The following MBD5 variants were observed in gnomAD, a reference collection of about 807,000 sequenced individuals.
MBD5 encodes the protein methyl-CpG binding domain protein 5.
MBD5 carries 13 observed loss-of-function variants against 117.3 expected under a neutral mutation model. That is an observed-to-expected ratio of 0.11 (90% CI 0.07 to 0.18). The LOEUF is 0.18. Ranked by LOEUF, MBD5 falls within the 10% of genes least tolerant of loss-of-function variation. The pLI, the probability that MBD5 is intolerant of heterozygous loss-of-function variation, is 1.00. For missense variants in MBD5, 1,879 were observed against 2,093.8 expected, an observed-to-expected ratio of 0.90 and a Z score of 2.00; for synonymous variants, 727 against 766.4, an observed-to-expected ratio of 0.95 and a Z score of 0.85.
At chr2:148,472,658 C>T (rs527817372) in intron 8 of MBD5, among the ~76,000 whole-genome samples, 45 of 152,130 alleles carry the variant, frequency 3.0e-4, no homozygotes, top group Non-Finnish European at 5.6e-4. Context: ...ATCAAATAAC[C>T]GTTGAGCCTT....
chr2:148,159,155 A>AC (rs1339205128), intron 1 of MBD5, among the ~76,000 whole-genome samples: 1 of 152,192 alleles, frequency 6.6e-6, no homozygotes, highest in African/African-American at 2.4e-5. Flanking sequence ...ATCAAGACTC[A>AC]AACACTCTTA....
At chr2:148,407,469 G>C (rs952304381) in intron 4 of MBD5, among the ~76,000 whole-genome samples, 5 of 151,992 alleles carry the variant, frequency 3.3e-5, no homozygotes, top group Admixed American at 3.3e-4. Flanking sequence ...TTATATAGTA[G>C]TAAGATGTTT....
intron 4 of MBD5, among the ~76,000 whole-genome samples, chr2:148,430,416 T>C (rs1367927961): frequency 1.3e-5 from 2 of 152,190 alleles, no homozygotes; most frequent in Non-Finnish European, 2.9e-5. Context: ...ATTTCATATG[T>C]TGTTTTTTTA....
intron 2 of MBD5, among the ~76,000 whole-genome samples, chr2:148,213,796 A>C (rs1699486982): frequency 6.6e-6 from 1 of 151,822 alleles, no homozygotes; most frequent in Non-Finnish European, 1.5e-5. Flanking sequence ...TATAGACATC[A>C]AAGAATGTTT....
rs546486128 is a variant in MBD5 at position 148,451,312 on chromosome 2, C to G, written c.-556-6891C>G. On this transcript the variant is annotated intron_variant, in intron 4 of 13. Coordinates refer to ENST00000642680, the MANE Select transcript of MBD5 (RefSeq NM_001378120.1). ...ATAAGCAATGAAAATAATAACTAAA[C>G]CAAAAATGGGGCTAGTGTATTGCAC... 5.3e-5 allele frequency among the ~76,000 whole-genome samples: 8 copies of G among 151,960 alleles called. No homozygotes were observed. The East Asian group carries it at 1.4e-3, about 26-fold the overall frequency.
At chr2:148,400,728 G>T (rs529964141) in intron 4 of MBD5, among the ~76,000 whole-genome samples, 5 of 152,170 alleles carry the variant, frequency 3.3e-5, no homozygotes, top group African/African-American at 4.8e-5. Flanking sequence ...CTATATTTTT[G>T]AGTAGACTTA....
chr2:148,388,221 G>A (rs1704439957), intron 4 of MBD5, among the ~76,000 whole-genome samples: 1 of 152,186 alleles, frequency 6.6e-6, no homozygotes, highest in African/African-American at 2.4e-5. Context: ...AAATTTAGGA[G>A]AATGCAATTG....
intron 4 of MBD5, among the ~76,000 whole-genome samples, chr2:148,445,894 A>G (rs1706492516): frequency 6.6e-6 from 1 of 151,306 alleles, no homozygotes; most frequent in African/African-American, 2.5e-5. Flanking sequence ...GGTGATGATG[A>G]GCATTTTTTC....
chr2:148,074,495 G>GTTTT (rs1034437368), intron 1 of MBD5, among the ~76,000 whole-genome samples: 12 of 109,844 alleles, frequency 1.1e-4, no homozygotes, highest in Non-Finnish European at 1.9e-4. Context: ...TTTTTTTTTT[G>GTTTT]TTTTTTTTTT....
At chr2:148,181,637 C>A (rs766902421) in intron 2 of MBD5, among the ~76,000 whole-genome samples, 1 of 152,018 alleles carries the variant, frequency 6.6e-6, no homozygotes, top group Non-Finnish European at 1.5e-5. Flanking sequence ...CTTTTGATTT[C>A]CCTCTTCTGA....
chr2:148,344,826 C>T (rs1214098154), intron 4 of MBD5, among the ~76,000 whole-genome samples: 3 of 151,810 alleles, frequency 2.0e-5, no homozygotes, highest in Non-Finnish European at 4.4e-5. Flanking sequence ...ATGTAACCAC[C>T]TTCCTTTTAT....
At chr2:148,408,918 A>G (rs1004692617) in intron 4 of MBD5, among the ~76,000 whole-genome samples, 6 of 152,146 alleles carry the variant, frequency 3.9e-5, no homozygotes, top group Admixed American at 3.9e-4. Context: ...TAAATAATCT[A>G]GAGATGATTT....
intron 1 of MBD5, among the ~76,000 whole-genome samples, chr2:148,117,619 A>G (rs751084027): frequency 3.9e-5 from 6 of 152,198 alleles, no homozygotes; most frequent in Non-Finnish European, 8.8e-5. Flanking sequence ...TAGACTAACC[A>G]GAGCACATAC....
Position 148,021,654 on chromosome 2 carries a change from G to A in MBD5, c.-955G>A. On this transcript the variant is annotated 5_prime_UTR_variant, in exon 1 of 14. Coordinates refer to ENST00000642680, the MANE Select transcript of MBD5 (RefSeq NM_001378120.1). ...TTTGTGTCATCCTCCACAGCTCCAGGGAAGGCACTCAAAAGTGGGGGGCAG... is the reference window on the plus strand; with the variant it reads ...TTTGTGTCATCCTCCACAGCTCCAGAGAAGGCACTCAAAAGTGGGGGGCAG... 2.5e-6 allele frequency: 1 copy of A among 400,624 alleles called. No homozygotes were observed. 24.8% of individuals were successfully genotyped at this position (400,624 alleles called of 1,614,324 possible).
At chr2:148,486,607 C>T (rs1681348535) in intron 10 of MBD5, among the ~76,000 whole-genome samples, 1 of 152,016 alleles carries the variant, frequency 6.6e-6, no homozygotes, top group Non-Finnish European at 1.5e-5. Flanking sequence ...AAATAATTAA[C>T]ACCTACAACA....
chr2:148,217,298 C>G (rs1699581944), intron 2 of MBD5, among the ~76,000 whole-genome samples: 1 of 152,156 alleles, frequency 6.6e-6, no homozygotes, highest in Non-Finnish European at 1.5e-5. Context: ...AGAGGATGGC[C>G]TTTCTTTGCA....
chr2:148,029,075 A>G (rs1693973315), intron 1 of MBD5, among the ~76,000 whole-genome samples: 1 of 152,186 alleles, frequency 6.6e-6, no homozygotes, highest in South Asian at 2.1e-4. Flanking sequence ...ACTATGTATC[A>G]GAAAGCTCTT....
chr2:148,172,842 T>C (rs1044141584), intron 1 of MBD5, among the ~76,000 whole-genome samples: 3 of 152,086 alleles, frequency 2.0e-5, no homozygotes, highest in African/African-American at 7.2e-5. Flanking sequence ...AGCTACCCAT[T>C]TCAGGTCTCC....
intron 1 of MBD5, among the ~76,000 whole-genome samples, chr2:148,060,638 A>C (rs1573967955): frequency 6.6e-6 from 1 of 152,170 alleles, no homozygotes. Flanking sequence ...TACAGAATTA[A>C]ACAGAAGACT....
Sources: allele counts gnomAD v4.1 joint callset (sites outside exome capture counted in the v4.1 genomes callset), GRCh38; gene constraint gnomAD v4.1.1; transcripts MANE v1.5; gene names NCBI Gene and HGNC (gene_info 2026-07-23, HGNC 2026-07-21).